Variants in CDK19 observed in about 807,000 individuals in gnomAD.
CDK19 encodes cyclin dependent kinase 19.
A neutral mutation model predicts 68.3 loss-of-function variants in CDK19; 20 were observed. The observed-to-expected ratio is 0.29, with a 90% confidence interval of 0.21 to 0.43. The LOEUF is 0.43. Ranked by LOEUF, CDK19 falls within the 20% of genes least tolerant of loss-of-function variation. The pLI, the probability that CDK19 is intolerant of heterozygous loss-of-function variation, is 1.00. For missense variants in CDK19, 339 were observed against 623.5 expected (o/e 0.54, Z 4.86); for synonymous variants, 221 against 222.8 (o/e 0.99, Z 0.07).
At chr6:110,769,074 G>A (rs1779795292) in intron 1 of CDK19, among the ~76,000 whole-genome samples, 1 of 137,950 alleles carries the variant, frequency 7.2e-6, no homozygotes, top group South Asian at 2.4e-4. Context: ...AGAATTGCTT[G>A]AACCCTGGAG....
Position 110,644,633 on chromosome 6 carries a change from T to C in CDK19, c.457-5927A>G, listed in dbSNP as rs575932062. Among the ~76,000 whole-genome samples, 27 of 152,278 alleles carry C rather than the reference T, an allele frequency of 1.8e-4. No individual in the cohort carries two copies. The East Asian group carries it at 5.2e-3, about 29-fold the overall frequency. On this transcript the variant is annotated intron_variant, in intron 4 of 12. Transcript: ENST00000368911. ...CAAAATATCTCATGTAACCCATAAATATACACATCTACTATACACCCAGTC... is the reference window on the plus strand; with the variant it reads ...CAAAATATCTCATGTAACCCATAAACATACACATCTACTATACACCCAGTC...
intron 1 of CDK19, among the ~76,000 whole-genome samples, chr6:110,752,903 C>T (rs894553788): frequency 6.7e-6 from 1 of 149,730 alleles, no homozygotes; most frequent in Non-Finnish European, 1.5e-5. Flanking sequence ...CTAGTTATCT[C>T]GGGTTTTTTT....
rs181688745 is a variant in CDK19, at chr6:110,617,112, A to G, written c.1378-2446T>C. On this transcript the variant is annotated intron_variant, in intron 12 of 12. Coordinates refer to ENST00000368911, the MANE Select transcript of CDK19 (RefSeq NM_015076.5). Reference sequence around the variant, plus strand: ...TTGTGCCCTCTTGTCTCACAGTCCCATTCTCCTCAGAGCCAGCCATAGAAA... The same window carrying G: ...TTGTGCCCTCTTGTCTCACAGTCCCGTTCTCCTCAGAGCCAGCCATAGAAA... 1.7e-3 allele frequency among the ~76,000 whole-genome samples: 261 copies of G among 152,268 alleles called. 3 individuals carry two copies. The highest frequency in any genetic ancestry group is 0.01 in the Middle Eastern group (3 of 294).
intron 4 of CDK19, among the ~76,000 whole-genome samples, chr6:110,656,917 G>A (rs1342621662): frequency 6.6e-6 from 1 of 152,168 alleles, no homozygotes; most frequent in Non-Finnish European, 1.5e-5. Flanking sequence ...ATGCTACAAA[G>A]GTATTTGGAT....
intron 6 of CDK19, among the ~76,000 whole-genome samples, chr6:110,629,045 T>C: frequency 6.6e-6 from 1 of 152,142 alleles, no homozygotes; most frequent in African/African-American, 2.4e-5. Context: ...CCGATATGGC[T>C]GCCTCTGATG....
chr6:110,634,732 GGCACT>G, intron 5 of CDK19, among the ~76,000 whole-genome samples: 1 of 152,238 alleles, frequency 6.6e-6, no homozygotes, highest in East Asian at 1.9e-4. Context: ...CAATATTCAA[GGCACT>G]GTTTTATATA....
At chr6:110,750,270 A>C (rs1778384875) in intron 1 of CDK19, among the ~76,000 whole-genome samples, 1 of 146,132 alleles carries the variant, frequency 6.8e-6, no homozygotes. Context: ...TGAGTAGAAC[A>C]GAATGTTAGC....
intron 1 of CDK19, among the ~76,000 whole-genome samples, chr6:110,796,182 CA>C (rs199750006): frequency 6.6e-6 from 1 of 152,126 alleles, no homozygotes; most frequent in Non-Finnish European, 1.5e-5. Flanking sequence ...ACTAAAAATA[CA>C]AAAAATTAGC....
At chr6:110,687,491 T>C (rs891147470) in intron 2 of CDK19, among the ~76,000 whole-genome samples, 4 of 152,186 alleles carry the variant, frequency 2.6e-5, no homozygotes, top group African/African-American at 9.7e-5. Context: ...AGCTAAATGA[T>C]CTGACCCAAA....
intron 2 of CDK19, among the ~76,000 whole-genome samples, chr6:110,712,833 T>C (rs1364785305): frequency 6.6e-6 from 1 of 152,128 alleles, no homozygotes; most frequent in Non-Finnish European, 1.5e-5. Flanking sequence ...TGTATGAAAC[T>C]AACGGTAAGA....
At chr6:110,798,146 G>A (rs1782078744) in intron 1 of CDK19, among the ~76,000 whole-genome samples, 1 of 152,020 alleles carries the variant, frequency 6.6e-6, no homozygotes, top group African/African-American at 2.4e-5. Flanking sequence ...CCACAAACAT[G>A]AGTGGTAACA....
At chr6:110,705,684 C>T (rs1474610915) in intron 2 of CDK19, among the ~76,000 whole-genome samples, 1 of 152,174 alleles carries the variant, frequency 6.6e-6, no homozygotes, top group Non-Finnish European at 1.5e-5. Flanking sequence ...GAAAGATTAC[C>T]TTCCTCCCAG....
At chr6:110,630,012 C>T (rs1779343133) in intron 6 of CDK19, among the ~76,000 whole-genome samples, 1 of 152,152 alleles carries the variant, frequency 6.6e-6, no homozygotes, top group African/African-American at 2.4e-5. Flanking sequence ...AAAAAAGCAT[C>T]TATTTTCATT....
At chr6:110,628,007 C>T (rs1305551946) in intron 6 of CDK19, among the ~76,000 whole-genome samples, 2 of 151,906 alleles carry the variant, frequency 1.3e-5, no homozygotes, top group Non-Finnish European at 2.9e-5. Flanking sequence ...GTCAGGAGTT[C>T]GAGACCATCC....
chr6:110,773,692 G>A (rs1464964894), intron 1 of CDK19, among the ~76,000 whole-genome samples: 1 of 151,948 alleles, frequency 6.6e-6, no homozygotes, highest in African/African-American at 2.4e-5. Flanking sequence ...TTTTTTTAAT[G>A]AATTTTAGTA....
chr6:110,623,945 GTATATA>G (rs1452895840), intron 8 of CDK19, among the ~76,000 whole-genome samples: 1 of 146,790 alleles, frequency 6.8e-6, no homozygotes, highest in East Asian at 2.0e-4. Flanking sequence ...ATATATGTGT[GTATATA>G]TATATAGACA....
intron 1 of CDK19, among the ~76,000 whole-genome samples, chr6:110,770,959 G>A (rs997958311): frequency 2.0e-5 from 3 of 152,206 alleles, no homozygotes; most frequent in Non-Finnish European, 4.4e-5. Flanking sequence ...TCACACTGAT[G>A]TGAGAAGTGG....
intron 1 of CDK19, among the ~76,000 whole-genome samples, chr6:110,806,622 T>C (rs924081043): frequency 6.6e-6 from 1 of 152,154 alleles, no homozygotes; most frequent in African/African-American, 2.4e-5. Flanking sequence ...ACAACAAAAC[T>C]ATTAAGAGAA....
intron 2 of CDK19, among the ~76,000 whole-genome samples, chr6:110,671,992 G>A (rs976581330): frequency 3.3e-5 from 5 of 152,090 alleles, no homozygotes; most frequent in South Asian, 4.1e-4. Flanking sequence ...TGGCCAGGCT[G>A]GTCTCAAACT....
Sources: gnomAD v4.1 joint callset for allele counts (sites outside exome capture counted in the v4.1 genomes callset) on GRCh38, gnomAD v4.1.1 for gene constraint, MANE v1.5 for transcripts, NCBI Gene and HGNC (gene_info 2026-07-23, HGNC 2026-07-21) for gene names.